DAB1: variants seen among roughly 807,000 people sequenced by gnomAD.
The protein encoded by DAB1 is DAB adaptor protein 1, also known as disabled homolog 1.
Under a neutral mutation model 64.6 loss-of-function variants are expected in DAB1, and 15 were observed. The ratio of observed to expected loss-of-function variants is 0.23; its 90% CI spans 0.16 to 0.36. DAB1 has a LOEUF of 0.36. Ranked by LOEUF, DAB1 falls within the 10% of genes least tolerant of loss-of-function variation. The pLI is 1.00. For synonymous variants in DAB1, 235 were observed against 251.9 expected, an observed-to-expected ratio of 0.93 and a Z score of 0.64; for missense variants, 596 against 706.7, an observed-to-expected ratio of 0.84 and a Z score of 1.78.
chr1:58,313,589 G>A (rs1206273411), intron 4 of DAB1, among the ~76,000 whole-genome samples: 3 of 152,130 alleles, frequency 2.0e-5, no homozygotes, highest in Non-Finnish European at 4.4e-5. Context: ...GACAGAACAG[G>A]ATGAAGAATA....
intron 1 of DAB1, among the ~76,000 whole-genome samples, chr1:57,857,927 T>A (rs1653832567): frequency 1.4e-5 from 2 of 145,610 alleles, no homozygotes; most frequent in African/African-American, 2.6e-5. Flanking sequence ...TTTTTAAAAT[T>A]TAAAAAGAAA....
At chr1:57,109,002 G>A (rs934353094) in intron 4 of DAB1, among the ~76,000 whole-genome samples, 3 of 152,122 alleles carry the variant, frequency 2.0e-5, no homozygotes, top group Admixed American at 6.5e-5. Context: ...TTTGAATACC[G>A]TCCCTAGCTA....
At chr1:57,860,255 C>A (rs1278480467) in intron 1 of DAB1, among the ~76,000 whole-genome samples, 1 of 152,158 alleles carries the variant, frequency 6.6e-6, no homozygotes, top group Admixed American at 6.5e-5. Context: ...TCCTTTCCAT[C>A]ATATATTACA....
rs183212760 is a variant in DAB1 at position 57,744,818 on chromosome 1, C to T, written n.552-95153G>A. ...AGAAACTATGGCCGAGGACATGGTTCCTGTCCAGTAGGAACAAAAGCTAAA... is the reference window on the plus strand; with the variant it reads ...AGAAACTATGGCCGAGGACATGGTTTCTGTCCAGTAGGAACAAAAGCTAAA... On this transcript the variant is annotated intron_variant and non_coding_transcript_variant, in intron 6 of 20. Coordinates refer to the DAB1 transcript ENST00000485760. 7.8e-4 allele frequency among the ~76,000 whole-genome samples: 119 copies of T among 152,264 alleles called. No homozygotes were observed. In the East Asian group the frequency reaches 0.019, roughly 24 times the overall value.
chr1:57,046,288 C>T (rs1015485981), intron 9 of DAB1, among the ~76,000 whole-genome samples: 3 of 152,192 alleles, frequency 2.0e-5, no homozygotes, highest in African/African-American at 2.4e-5. Flanking sequence ...TTGCTGGCCC[C>T]TAGTAAGCGC....
At chr1:58,481,101 C>A (rs757650239) in intron 3 of DAB1, 1 of 871,834 alleles carries the variant, frequency 1.1e-6, no homozygotes, top group Non-Finnish European at 2.0e-6. Context: ...ATGCTTCGTG[C>A]TGAGTTTGAA....
At chr1:58,448,944 G>T (rs1441092647) in intron 3 of DAB1, among the ~76,000 whole-genome samples, 1 of 152,128 alleles carries the variant, frequency 6.6e-6, no homozygotes, top group Non-Finnish European at 1.5e-5. Context: ...GAAAGAAATA[G>T]AATCCAACAA....
At chr1:57,385,604 T>C (rs1322959086) in intron 1 of DAB1, among the ~76,000 whole-genome samples, 1 of 152,078 alleles carries the variant, frequency 6.6e-6, no homozygotes, top group Non-Finnish European at 1.5e-5. Context: ...TAATTACATC[T>C]CAGGAAGTGC....
At chr1:58,120,077 G>A (rs1278674014) in intron 5 of DAB1, among the ~76,000 whole-genome samples, 1 of 152,106 alleles carries the variant, frequency 6.6e-6, no homozygotes, top group Admixed American at 6.5e-5. Flanking sequence ...CTCGTCTTTT[G>A]TGATCAGGCA....
At chr1:58,104,381 T>C (rs1001742731) in intron 5 of DAB1, among the ~76,000 whole-genome samples, 19 of 152,212 alleles carry the variant, frequency 1.2e-4, no homozygotes, top group Admixed American at 1.2e-3. Flanking sequence ...TGCTGTTCTG[T>C]GGATTTTATT....
intron 7 of DAB1, among the ~76,000 whole-genome samples, chr1:57,575,331 T>A (rs1645237897): frequency 6.6e-6 from 1 of 152,218 alleles, no homozygotes; most frequent in Non-Finnish European, 1.5e-5. Flanking sequence ...TCTACATCTA[T>A]TTAGTTGCCA....
intron 2 of DAB1, among the ~76,000 whole-genome samples, chr1:57,272,840 C>A: frequency 6.6e-6 from 1 of 152,112 alleles, no homozygotes; most frequent in South Asian, 2.1e-4. Flanking sequence ...GGGTGTGGGG[C>A]GGGCAGTAGG....
intron 4 of DAB1, among the ~76,000 whole-genome samples, chr1:57,096,054 T>A (rs1654132393): frequency 6.6e-6 from 1 of 152,214 alleles, no homozygotes; most frequent in Non-Finnish European, 1.5e-5. Context: ...CTAAGAACTT[T>A]GATGCATTTT....
chr1:57,568,742 C>G (rs1645154858), intron 7 of DAB1, among the ~76,000 whole-genome samples: 1 of 152,092 alleles, frequency 6.6e-6, no homozygotes, highest in Non-Finnish European at 1.5e-5. Context: ...CATCTCACAC[C>G]AGTTAGAATG....
chr1:57,136,548 T>C lies in DAB1; in HGVS notation c.301A>G (p.Thr101Ala). 4 of 1,492,800 alleles carry C rather than the reference T, an allele frequency of 2.7e-6. No homozygotes were observed. The highest frequency in any genetic ancestry group is 3.6e-6 in the Non-Finnish European group (4 of 1,099,974). 92.5% of individuals were successfully genotyped at this position (1,492,800 alleles called of 1,614,324 possible). The change falls in exon 4 of 15, where the codon ACA becomes GCA. Residue 101 changes from threonine (T) to alanine (A), a missense_variant. Physicochemically the swap from Thr to Ala is moderately conservative, Grantham distance 58 (BLOSUM62 0). This residue lies in a region of DAB1 where 176 missense variants were observed against 266.7 expected (regional missense o/e 0.66). Transcript: ENST00000371236. ...CATGTGATTGCTTTACTTACCCCTG[T>C]CTTCTCATCAAAGATTTTGATTCCT... The part of the protein sequence containing the change: ...FGGIKIFDEK[T>A]GALQHHHAVH...
At chr1:57,550,551 C>A (rs1401714796) in intron 7 of DAB1, among the ~76,000 whole-genome samples, 1 of 150,990 alleles carries the variant, frequency 6.6e-6, no homozygotes, top group African/African-American at 2.4e-5. Context: ...AGGAGTCCTT[C>A]TAAAACAAGT....
At chr1:58,482,395 T>TA (rs2100351227) in intron 3 of DAB1, among the ~76,000 whole-genome samples, 1 of 152,326 alleles carries the variant, frequency 6.6e-6, no homozygotes, top group Non-Finnish European at 1.5e-5. Context: ...CTGATTTAAG[T>TA]AACTAGCCTT....
chr1:58,310,254 T>TTTTCTTCACATATAATA (rs1553174377), intron 4 of DAB1, among the ~76,000 whole-genome samples: 1 of 152,164 alleles, frequency 6.6e-6, no homozygotes, highest in Non-Finnish European at 1.5e-5. Flanking sequence ...CACATATAAG[T>TTTTCTTCACATATAATA]TTTCTTCACA....
At chr1:58,391,112 A>G (rs1327832540) in intron 3 of DAB1, among the ~76,000 whole-genome samples, 1 of 152,216 alleles carries the variant, frequency 6.6e-6, no homozygotes, top group Admixed American at 6.5e-5. Context: ...GCCTCATTAC[A>G]CAGGTAATGG....
Sources: gnomAD v4.1 joint callset for allele counts (sites outside exome capture counted in the v4.1 genomes callset) on GRCh38, gnomAD v4.1.1 for gene constraint, gnomAD v4.1.1 regional missense constraint, MANE v1.5 for transcripts, NCBI Gene and HGNC (gene_info 2026-07-23, HGNC 2026-07-21) for gene names.